The following ST6GAL1 variants were observed in gnomAD, a reference collection of about 807,000 sequenced individuals.
The protein encoded by ST6GAL1 is ST6 beta-galactoside alpha-2,6-sialyltransferase 1.
Under a neutral mutation model 38.0 loss-of-function variants are expected in ST6GAL1, and 20 were observed. The observed-to-expected ratio is 0.53, with a 90% CI of 0.37 to 0.77. The LOEUF is 0.77. Ranked by LOEUF, ST6GAL1 falls within the 30% of genes least tolerant of loss-of-function variation. ST6GAL1 has a pLI of 0.00. For missense variants in ST6GAL1, 432 were observed against 496.4 expected, an observed-to-expected ratio of 0.87 and a Z score of 1.23; for synonymous variants, 196 against 188.2, an observed-to-expected ratio of 1.04 and a Z score of -0.34.
At chr3:186,946,249 G>T (rs907724907) in intron 1 of ST6GAL1, among the ~76,000 whole-genome samples, 1 of 151,746 alleles carries the variant, frequency 6.6e-6, no homozygotes, top group Non-Finnish European at 1.5e-5. Context: ...GGAAGCGGAG[G>T]TTGCAGTGAG....
chr3:186,997,529 G>A (rs1295820805), intron 2 of ST6GAL1, among the ~76,000 whole-genome samples: 1 of 152,134 alleles, frequency 6.6e-6, no homozygotes, highest in Non-Finnish European at 1.5e-5. Context: ...GCTGAGGTGG[G>A]AGGATTGCTT....
At chr3:186,971,405 G>A (rs1330437426) in intron 2 of ST6GAL1, among the ~76,000 whole-genome samples, 3 of 152,210 alleles carry the variant, frequency 2.0e-5, no homozygotes, top group African/African-American at 7.2e-5. Flanking sequence ...CCCAACGTTA[G>A]CTGTTTTAAT....
intron 5 of ST6GAL1, among the ~76,000 whole-genome samples, chr3:187,052,891 T>G (rs1718565104): frequency 6.6e-6 from 1 of 152,242 alleles, no homozygotes; most frequent in African/African-American, 2.4e-5. Context: ...CCACAATGGT[T>G]GAACTAGTTT....
At chr3:187,074,049 A>G (rs910353465) in intron 6 of ST6GAL1, 110 bp from the exon 7 acceptor site, 1 of 1,016,116 alleles carries the variant, frequency 9.8e-7, no homozygotes, top group South Asian at 2.0e-5. Flanking sequence ...CTCAGGAGCA[A>G]CACTTGTTGA....
intron 5 of ST6GAL1, among the ~76,000 whole-genome samples, chr3:187,054,282 AC>A (rs1325418067): frequency 6.6e-6 from 1 of 152,032 alleles, no homozygotes; most frequent in Non-Finnish European, 1.5e-5. Flanking sequence ...CTAATTGAAT[AC>A]CCTTTATTTC....
intron 2 of ST6GAL1, among the ~76,000 whole-genome samples, chr3:186,980,782 A>G (rs1715673292): frequency 6.7e-6 from 1 of 149,436 alleles, no homozygotes; most frequent in Non-Finnish European, 1.5e-5. Flanking sequence ...AAAAAAAAAA[A>G]AGATAGAAGT....
At chr3:186,995,739 G>A (rs1325039115) in intron 2 of ST6GAL1, among the ~76,000 whole-genome samples, 3 of 152,110 alleles carry the variant, frequency 2.0e-5, no homozygotes, top group Admixed American at 2.0e-4. Flanking sequence ...AGCTACTGGG[G>A]AGGCTGAGGC....
intron 2 of ST6GAL1, chr3:187,025,353 G>C (rs1717500815): frequency 6.6e-6 from 1 of 152,210 alleles, no homozygotes; most frequent in Admixed American, 6.6e-5. Context: ...TCTTTGTCTG[G>C]CTCTCTGTAG....
chr3:186,932,217 C>T (rs1360907251), intron 1 of ST6GAL1, among the ~76,000 whole-genome samples: 3 of 152,228 alleles, frequency 2.0e-5, no homozygotes, highest in Non-Finnish European at 4.4e-5. Flanking sequence ...AGGGAGCCTT[C>T]TCATTTTACA....
intron 2 of ST6GAL1, among the ~76,000 whole-genome samples, chr3:187,002,041 G>A (rs950766793): frequency 2.6e-5 from 4 of 151,596 alleles, no homozygotes; most frequent in Admixed American, 2.0e-4. Flanking sequence ...GAGCTTTGTT[G>A]CCTTATATTG....
intron 2 of ST6GAL1, among the ~76,000 whole-genome samples, chr3:186,969,411 C>A (rs865890412): frequency 2.6e-5 from 4 of 152,220 alleles, no homozygotes; most frequent in Middle Eastern, 3.4e-3. Flanking sequence ...TTGTGCATTC[C>A]CGTAAACACT....
At chr3:187,022,540 T>G (rs527544780) in intron 2 of ST6GAL1, among the ~76,000 whole-genome samples, 1 of 152,268 alleles carries the variant, frequency 6.6e-6, no homozygotes, top group African/African-American at 2.4e-5. Context: ...GCCTCATAGA[T>G]AGCAGCCCTC....
At chr3:187,051,950 C>T (rs1327266457) in intron 5 of ST6GAL1, among the ~76,000 whole-genome samples, 1 of 152,136 alleles carries the variant, frequency 6.6e-6, no homozygotes. Context: ...AACTGTATTA[C>T]ACATATATAT....
At chr3:187,035,632 C>T (rs1442773649) in intron 2 of ST6GAL1, among the ~76,000 whole-genome samples, 1 of 151,956 alleles carries the variant, frequency 6.6e-6, no homozygotes, top group African/African-American at 2.4e-5. Context: ...TTAACACAGT[C>T]AACAAAAATA....
intron 5 of ST6GAL1, among the ~76,000 whole-genome samples, chr3:187,053,865 A>G (rs1718597945): frequency 6.6e-6 from 1 of 152,176 alleles, no homozygotes; most frequent in African/African-American, 2.4e-5. Context: ...TGGGGATGGC[A>G]TTGAATCTAT....
intron 2 of ST6GAL1, among the ~76,000 whole-genome samples, chr3:187,034,516 A>G (rs1007710225): frequency 3.3e-5 from 5 of 152,152 alleles, no homozygotes; most frequent in African/African-American, 9.7e-5. Context: ...ACAAAACACT[A>G]GCATACCGAA....
rs937293065 is a variant in ST6GAL1, at chr3:186,934,760, G to GTATT, written c.-325+3944_-325+3947dup. On this transcript the variant is annotated intron_variant, in intron 1 of 7. Transcript: ENST00000169298. Reference sequence around the variant, plus strand: ...CTTTTAAAAAATTTTATTTATTTATGTATTTATTTATTTATTTATTTTTTC... The same window carrying GTATT: ...CTTTTAAAAAATTTTATTTATTTATGTATTTATTTATTTATTTATTTATTTTTTC... Among the ~76,000 whole-genome samples the GTATT allele has an allele frequency of 1.4e-3, 28 of 20,070 alleles. No individual in the cohort carries two copies. The South Asian group carries it at 0.025, about 18-fold the overall frequency. The allele number at this position is 20,070 out of a possible 152,430, so 13.2% of individuals were successfully genotyped here. A position where few individuals can be genotyped will look rare whatever the true frequency, so the allele number is the denominator to read the frequency against.
chr3:186,932,999 T>A (rs1019013316), intron 1 of ST6GAL1, among the ~76,000 whole-genome samples: 11 of 152,108 alleles, frequency 7.2e-5, no homozygotes, highest in African/African-American at 2.2e-4. Context: ...GCAGATAGGG[T>A]CAGGTACCCG....
In ST6GAL1 at chr3:186,987,200, G is replaced by GAAGGAGGGAGGGAAGGA. The variant is rs1553821924; in HGVS notation, c.-183+23279_-183+23280insGGGAGGGAAGGAAAGGA. ...AGAGACAGGGAGGGAGGGAGGGAGG[G>GAAGGAGGGAGGGAAGGA]AAGGAAAGAAAAGGAAAGAAAGCAA... is the stretch of plus-strand genomic sequence containing the variant. On this transcript the variant is annotated intron_variant, in intron 2 of 7. Coordinates refer to ENST00000169298, the MANE Select transcript of ST6GAL1 (RefSeq NM_173216.2). Among the ~76,000 whole-genome samples, 110 of 138,764 alleles carry GAAGGAGGGAGGGAAGGA rather than the reference G, an allele frequency of 7.9e-4. 1 individual carries two copies. The highest frequency in any genetic ancestry group is 1.7e-3 in the African/African-American group (62 of 37,140). The allele number at this position is 138,764 out of a possible 152,430, so 91.0% of individuals were successfully genotyped here.
Sources: allele counts gnomAD v4.1 joint callset (sites outside exome capture counted in the v4.1 genomes callset), GRCh38; gene constraint gnomAD v4.1.1; transcripts MANE v1.5; gene names NCBI Gene and HGNC (gene_info 2026-07-23, HGNC 2026-07-21).